Variants in PSMA1 observed in about 807,000 individuals in gnomAD.
PSMA1 encodes the protein proteasome subunit alpha type-1.
Under a neutral mutation model 38.4 loss-of-function variants are expected in PSMA1, and 3 were observed. The ratio of observed to expected loss-of-function variants is 0.08; its 90% CI spans 0.04 to 0.20. The LOEUF is 0.20. PSMA1 is among the 10% of genes least tolerant of loss of function. PSMA1 has a pLI of 1.00. For synonymous variants in PSMA1, 101 were observed against 107.1 expected, an observed-to-expected ratio of 0.94 and a Z score of 0.35; for missense variants, 227 against 325.3, an observed-to-expected ratio of 0.70 and a Z score of 2.32.
At chr11:14,591,382 C>G (rs914638673) in intron 2 of PSMA1, among the ~76,000 whole-genome samples, 1 of 152,214 alleles carries the variant, frequency 6.6e-6, no homozygotes, top group Non-Finnish European at 1.5e-5. Flanking sequence ...GGAGCCTCCC[C>G]GATGAGTGCC....
chr11:14,583,237 TCTC>T (rs942037091), intron 2 of PSMA1, among the ~76,000 whole-genome samples: 5 of 152,156 alleles, frequency 3.3e-5, no homozygotes, highest in South Asian at 2.1e-4. Flanking sequence ...TCTTCTTCCT[TCTC>T]CTCTTCTTCC....
intron 1 of PSMA1, among the ~76,000 whole-genome samples, chr11:14,615,075 G>C (rs1297529798): frequency 6.6e-6 from 1 of 152,154 alleles, no homozygotes; most frequent in Non-Finnish European, 1.5e-5. Flanking sequence ...TTGCTTGTCT[G>C]AATATATAGC....
chr11:14,510,973 T>C lies in PSMA1; in HGVS notation c.545-22A>G, dbSNP rs1019057849. On this transcript the variant is annotated intron_variant, in intron 7 of 9. Coordinates refer to ENST00000396394, the MANE Select transcript of PSMA1 (RefSeq NM_002786.4). ...TTACCTATATGTAATAAATTAACAATTATTTCTTAATTTCATTGTTATGCT... is the reference window on the plus strand; with the variant it reads ...TTACCTATATGTAATAAATTAACAACTATTTCTTAATTTCATTGTTATGCT... 5 of 1,434,842 alleles carry C rather than the reference T, an allele frequency of 3.5e-6. No homozygotes were observed. The African/African-American group carries it at 7.2e-5, about 21-fold the overall frequency. The allele number at this position is 1,434,842 out of a possible 1,614,324, so 88.9% of individuals were successfully genotyped here.
At chr11:14,565,215 T>A (rs925093533) in intron 2 of PSMA1, among the ~76,000 whole-genome samples, 2 of 152,256 alleles carry the variant, frequency 1.3e-5, no homozygotes, top group African/African-American at 4.8e-5. Flanking sequence ...ATCCTTTAGA[T>A]GTCTGCAGGG....
intron 2 of PSMA1, among the ~76,000 whole-genome samples, chr11:14,577,311 T>G (rs1422916030): frequency 1.3e-5 from 2 of 152,202 alleles, no homozygotes; most frequent in African/African-American, 4.8e-5. Flanking sequence ...AATTAAGTAA[T>G]CTGCTCATGG....
intron 2 of PSMA1, among the ~76,000 whole-genome samples, chr11:14,599,357 C>T (rs994725833): frequency 4.6e-5 from 7 of 152,178 alleles, no homozygotes; most frequent in Non-Finnish European, 8.8e-5. Flanking sequence ...CCATTCTCCC[C>T]GTCACTTTCA....
intron 1 of PSMA1, among the ~76,000 whole-genome samples, chr11:14,617,331 T>C (rs1299083656): frequency 6.6e-6 from 1 of 152,216 alleles, no homozygotes; most frequent in Non-Finnish European, 1.5e-5. Context: ...AATTTCTTTT[T>C]TTAGTTCTCA....
intron 2 of PSMA1, among the ~76,000 whole-genome samples, chr11:14,566,504 C>T (rs549929476): frequency 1.3e-5 from 2 of 152,248 alleles, no homozygotes; most frequent in African/African-American, 4.8e-5. Context: ...ACCTCCAACC[C>T]CTACAACTCT....
At chr11:14,531,255 A>G (rs2134159320) in intron 2 of PSMA1, among the ~76,000 whole-genome samples, 1 of 152,244 alleles carries the variant, frequency 6.6e-6, no homozygotes. Context: ...CATAGTGAGC[A>G]TAGTACCCAA....
At chr11:14,574,608 G>A (rs1293938531) in intron 2 of PSMA1, among the ~76,000 whole-genome samples, 1 of 152,100 alleles carries the variant, frequency 6.6e-6, no homozygotes, top group African/African-American at 2.4e-5. Context: ...TGATGGGGGT[G>A]GTTACCCCCA....
At chr11:14,589,022 T>G (rs1852381434) in intron 2 of PSMA1, among the ~76,000 whole-genome samples, 1 of 152,206 alleles carries the variant, frequency 6.6e-6, no homozygotes. Context: ...TTCACCCTTC[T>G]TACTCTTTCT....
chr11:14,630,319 A>T (rs911395990), intron 1 of PSMA1, among the ~76,000 whole-genome samples: 25 of 152,274 alleles, frequency 1.6e-4, no homozygotes, highest in Admixed American at 2.0e-4. Flanking sequence ...GATAGCTCTT[A>T]TTATTTTGAG....
chr11:14,573,000 A>T (rs1403469735), intron 2 of PSMA1, among the ~76,000 whole-genome samples: 3 of 152,180 alleles, frequency 2.0e-5, no homozygotes. Context: ...CAATAACAGG[A>T]GCCGAAACTG....
intron 2 of PSMA1, among the ~76,000 whole-genome samples, chr11:14,557,048 C>T (rs1035827276): frequency 6.6e-6 from 1 of 152,018 alleles, no homozygotes; most frequent in Non-Finnish European, 1.5e-5. Context: ...TTGCCCAGAC[C>T]AGTCTCAAAC....
At chr11:14,508,516 A>C (rs1268091895) in intron 8 of PSMA1, among the ~76,000 whole-genome samples, 1 of 122,426 alleles carries the variant, frequency 8.2e-6, no homozygotes, top group Non-Finnish European at 1.6e-5. Flanking sequence ...CATCTTAAAA[A>C]ACAAAACAAT....
At chr11:14,564,189 C>A (rs1418672759) in intron 2 of PSMA1, among the ~76,000 whole-genome samples, 1 of 152,096 alleles carries the variant, frequency 6.6e-6, no homozygotes, top group Non-Finnish European at 1.5e-5. Context: ...TCATACCCAC[C>A]ATCCTCCTAC....
chr11:14,627,720 G>C (rs1053914558), intron 1 of PSMA1, among the ~76,000 whole-genome samples: 1 of 152,242 alleles, frequency 6.6e-6, no homozygotes, highest in South Asian at 2.1e-4. Context: ...TGCTGTAGTT[G>C]CTTCATAATA....
At chr11:14,552,411 G>C (rs1323495739) in intron 2 of PSMA1, among the ~76,000 whole-genome samples, 3 of 152,174 alleles carry the variant, frequency 2.0e-5, no homozygotes, top group Admixed American at 1.3e-4. Context: ...TTGATTTAAA[G>C]AAGAGAGAGA....
chr11:14,566,397 C>A (rs956907035), intron 2 of PSMA1, among the ~76,000 whole-genome samples: 11 of 152,132 alleles, frequency 7.2e-5, no homozygotes, highest in African/African-American at 1.7e-4. Flanking sequence ...GATTTCTTCA[C>A]AGTTGGACAT....
Sources: gnomAD v4.1 joint callset for allele counts (sites outside exome capture counted in the v4.1 genomes callset) on GRCh38, gnomAD v4.1.1 for gene constraint, MANE v1.5 for transcripts, NCBI Gene and HGNC (gene_info 2026-07-23, HGNC 2026-07-21) for gene names.